Variants in MSTO1 observed in about 807,000 individuals in gnomAD.
The protein encoded by MSTO1 is misato mitochondrial distribution and morphology regulator 1.
In MSTO1, 24 loss-of-function variants were observed where a neutral mutation model predicts 55.7. The ratio of observed to expected loss-of-function variants is 0.43; its 90% CI spans 0.31 to 0.61. The LOEUF is 0.61. Ranked by LOEUF, MSTO1 falls within the 20% of genes least tolerant of loss-of-function variation. The pLI is 0.09. For synonymous variants in MSTO1, 162 were observed against 252.8 expected, an observed-to-expected ratio of 0.64 and a Z score of 3.41; for missense variants, 363 against 625.7, an observed-to-expected ratio of 0.58 and a Z score of 4.48.
At chr1:155,591,312 G>C in the MSTO1 span, 1 of 1,385,920 alleles carries the variant, frequency 7.2e-7, no homozygotes, top group South Asian at 1.4e-5. Context: ...AAATTCCTAG[G>C]CCAAGTCGAC....
chr1:155,610,003 G>A (rs879588621), upstream of MSTO1: 3 of 520,242 alleles, frequency 5.8e-6, no homozygotes, highest in East Asian at 1.0e-4. Context: ...GCTCCAACGT[G>A]GAGCAGGAGC....
chr1:155,614,504 A>G lies in MSTO1; in HGVS notation c.*231A>G. ...CCACTCTCGATGCTACTTACAGAGG[A>G]CATCTGTAAAGTCTTCATAAAAGAC... On this transcript the variant is annotated 3_prime_UTR_variant, in exon 14 of 14. Transcript: ENST00000245564. 1.5e-6 allele frequency: 1 copy of G among 650,692 alleles called. No homozygotes were observed. The highest frequency in any genetic ancestry group is 2.7e-6 in the Non-Finnish European group (1 of 370,858). 40.3% of individuals were successfully genotyped at this position (650,692 alleles called of 1,614,324 possible).
chr1:155,592,048 G>A, the MSTO1 span, among the ~76,000 whole-genome samples: 3 of 152,266 alleles, frequency 2.0e-5, no homozygotes, highest in South Asian at 6.2e-4. Flanking sequence ...GAGGCATGGT[G>A]CTTTCTCTCC....
At chr1:155,592,274 T>C in the MSTO1 span, among the ~76,000 whole-genome samples, 5,466 of 152,292 alleles carry the variant, frequency 0.036, 142 homozygotes, top group Non-Finnish European at 0.049. Context: ...TTTACCTTCT[T>C]GGGATACATC....
At chr1:155,565,252 G>A in the MSTO1 span, among the ~76,000 whole-genome samples, 2 of 148,376 alleles carry the variant, frequency 1.3e-5, no homozygotes, top group Non-Finnish European at 3.0e-5. Context: ...TCGAGATCAC[G>A]CCTTTGCATT....
the MSTO1 span, among the ~76,000 whole-genome samples, chr1:155,582,034 C>A: frequency 1.6e-4 from 24 of 151,700 alleles, no homozygotes; most frequent in African/African-American, 5.3e-4. Flanking sequence ...CGGCTCACCG[C>A]AACCTCCACC....
chr1:155,580,635 TTGGCC>T, the MSTO1 span, among the ~76,000 whole-genome samples: 3 of 151,896 alleles, frequency 2.0e-5, no homozygotes, highest in African/African-American at 4.8e-5. Flanking sequence ...GAAAGATAAT[TTGGCC>T]AGGTGCGGTG....
At chr1:155,587,637 G>C in the MSTO1 span, among the ~76,000 whole-genome samples, 1 of 151,238 alleles carries the variant, frequency 6.6e-6, no homozygotes, top group African/African-American at 2.4e-5. Context: ...CCAGCTACTT[G>C]GGAGGCTGAG....
the MSTO1 span, among the ~76,000 whole-genome samples, chr1:155,587,353 T>C: frequency 7.0e-6 from 1 of 143,356 alleles, no homozygotes; most frequent in East Asian, 2.1e-4. Flanking sequence ...AGCAGGAGAA[T>C]CCGTTCAACC....
the MSTO1 span, among the ~76,000 whole-genome samples, chr1:155,567,995 A>G: frequency 1.3e-5 from 2 of 151,940 alleles, no homozygotes; most frequent in East Asian, 4.0e-4. Flanking sequence ...CGGAGATTGC[A>G]CCATTACACT....
chr1:155,606,635 C>T (rs1312348472), upstream of MSTO1, among the ~76,000 whole-genome samples: 3 of 151,672 alleles, frequency 2.0e-5, no homozygotes, highest in Non-Finnish European at 4.4e-5. Flanking sequence ...CTCAGGTGAT[C>T]GCCTGCCTCA....
chr1:155,599,740 G>A, the MSTO1 span, among the ~76,000 whole-genome samples: 1 of 152,214 alleles, frequency 6.6e-6, no homozygotes, highest in Non-Finnish European at 1.5e-5. Context: ...TCTCCGAGAG[G>A]GGGATGTGTC....
chr1:155,596,630 A>T, the MSTO1 span, among the ~76,000 whole-genome samples: 1 of 151,928 alleles, frequency 6.6e-6, no homozygotes, highest in African/African-American at 2.4e-5. Context: ...ACACAAAAAA[A>T]TTTTTAATTA....
chr1:155,610,149 G>A (rs1212971320), upstream of MSTO1: 11 of 1,125,926 alleles, frequency 9.8e-6, no homozygotes, highest in South Asian at 5.9e-5. Flanking sequence ...GGGCCAATAA[G>A]TAGCCGAGAA....
upstream of MSTO1, among the ~76,000 whole-genome samples, chr1:155,605,258 C>CACAAAACAAA (rs112109642): frequency 2.0e-4 from 30 of 151,142 alleles, no homozygotes; most frequent in African/African-American, 4.4e-4. Flanking sequence ...AAGACTCCAT[C>CACAAAACAAA]ACAAAACAAA....
At chr1:155,608,427 G>A (rs1184116390), upstream of MSTO1, among the ~76,000 whole-genome samples, 1 of 151,630 alleles carries the variant, frequency 6.6e-6, no homozygotes, top group Non-Finnish European at 1.5e-5. Flanking sequence ...CGATCTTCCT[G>A]CCTCAGCCTC....
chr1:155,580,030 C>G, the MSTO1 span, among the ~76,000 whole-genome samples: 1 of 149,966 alleles, frequency 6.7e-6, no homozygotes, highest in Non-Finnish European at 1.5e-5. Flanking sequence ...GAGCCGAGAT[C>G]GGGCCACTGC....
intron 13 of MSTO1, 106 bp from the exon 14 acceptor site, chr1:155,613,953 A>T (rs1170376349): frequency 1.3e-5 from 18 of 1,427,444 alleles, no homozygotes; most frequent in Non-Finnish European, 1.7e-5. Context: ...AAATTTGTTG[A>T]GTTTACAATC....
upstream of MSTO1, among the ~76,000 whole-genome samples, chr1:155,606,308 C>T (rs531775008): frequency 1.3e-5 from 2 of 150,158 alleles, no homozygotes; most frequent in South Asian, 4.2e-4. Context: ...ATCCGCCTGC[C>T]TCAGCCTCCC....
Sources: gnomAD v4.1 joint callset for allele counts (sites outside exome capture counted in the v4.1 genomes callset) on GRCh38, gnomAD v4.1.1 for gene constraint, MANE v1.5 for transcripts, NCBI Gene and HGNC (gene_info 2026-07-23, HGNC 2026-07-21) for gene names.